Variants in CLSTN2 observed in about 807,000 individuals in gnomAD.
The protein encoded by CLSTN2 is calsyntenin 2.
In CLSTN2, 48 loss-of-function variants were observed where a neutral mutation model predicts 101.2. The observed-to-expected ratio is 0.47, with a 90% confidence interval of 0.38 to 0.60. The LOEUF (loss-of-function observed/expected upper bound fraction) is 0.60, where lower values mean the gene tolerates loss of function less well. CLSTN2 is among the 20% of genes least tolerant of loss of function. CLSTN2 has a pLI of 0.00. For synonymous variants in CLSTN2, 481 were observed against 463.6 expected (o/e 1.04, Z -0.48); for missense variants, 1,160 against 1,238.2 (o/e 0.94, Z 0.95).
At chr3:140,381,876 A>G (rs1402735945) in intron 2 of CLSTN2, among the ~76,000 whole-genome samples, 2 of 152,218 alleles carry the variant, frequency 1.3e-5, no homozygotes, top group Non-Finnish European at 2.9e-5. Flanking sequence ...TTGGAAAACA[A>G]GGGTTCTTCA....
chr3:139,951,978 TC>T (rs796236520), intron 1 of CLSTN2, among the ~76,000 whole-genome samples: 1 of 152,190 alleles, frequency 6.6e-6, no homozygotes, highest in South Asian at 2.1e-4. Context: ...TCTTTCTTTT[TC>T]CCCCTCCTCA....
chr3:140,147,119 A>G (rs1031269466), intron 1 of CLSTN2, among the ~76,000 whole-genome samples: 5 of 152,226 alleles, frequency 3.3e-5, no homozygotes, highest in Non-Finnish European at 5.9e-5. Flanking sequence ...TCACAGTCCA[A>G]TAGATAGTAA....
rs544722987 is a variant in CLSTN2 at position 140,054,482 on chromosome 3, C to T, written c.109+118999C>T. Among the ~76,000 whole-genome samples the T allele has an allele frequency of 6.6e-5, 10 of 152,210 alleles. No homozygotes were observed. In the East Asian group the frequency reaches 1.2e-3, roughly 18 times the overall value. The stretch of plus-strand genomic sequence containing the variant: ...AAGGTAAATAATTTGTCCAAGACCA[C>T]GCGGTCAGTAAGGGGTGGAGATGAC... On this transcript the variant is annotated intron_variant, in intron 1 of 16. Transcript: ENST00000458420.
intron 2 of CLSTN2, among the ~76,000 whole-genome samples, chr3:140,223,668 G>A (rs191996451): frequency 5.9e-5 from 9 of 152,262 alleles, no homozygotes; most frequent in African/African-American, 1.9e-4. Context: ...CTGATACTCT[G>A]TTTCCTGTGC....
intron 1 of CLSTN2, among the ~76,000 whole-genome samples, chr3:139,950,491 C>G (rs535313992): frequency 1.3e-5 from 2 of 152,140 alleles, no homozygotes; most frequent in African/African-American, 4.8e-5. Flanking sequence ...AACTCTGGCT[C>G]TAGTGGAAAT....
chr3:140,266,063 G>A (rs1405157775), intron 2 of CLSTN2, among the ~76,000 whole-genome samples: 1 of 152,308 alleles, frequency 6.6e-6, no homozygotes. Flanking sequence ...GCACCTGACA[G>A]CCTTCAATAG....
rs573610353 is a variant in CLSTN2 at position 140,404,369 on chromosome 3, G to A, written c.429-189G>A. 2.1e-4 allele frequency among the ~76,000 whole-genome samples: 32 copies of A among 152,336 alleles called. 1 individual carries two copies. The highest frequency in any genetic ancestry group is 4.1e-4 in the South Asian group (2 of 4,830). On this transcript the variant is annotated intron_variant, in intron 3 of 16. Transcript: ENST00000458420. ...CTCTGGGATGGATTCATCTCAGAGC[G>A]TCAGAGCAAGGGCAAGTAGAGAGTC... is the stretch of plus-strand genomic sequence containing the variant.
chr3:140,419,044 A>G (rs1319021634), intron 4 of CLSTN2, among the ~76,000 whole-genome samples: 1 of 151,380 alleles, frequency 6.6e-6, no homozygotes, highest in Non-Finnish European at 1.5e-5. Context: ...TAAAAAAAAA[A>G]TCTTTCAAGC....
chr3:140,411,046 C>A (rs538980540), intron 4 of CLSTN2, among the ~76,000 whole-genome samples: 4 of 152,184 alleles, frequency 2.6e-5, no homozygotes, highest in East Asian at 1.9e-4. Context: ...ACAAAACAAC[C>A]AGCAAAGGTT....
At chr3:140,378,573 C>T (rs1479855) in intron 2 of CLSTN2, among the ~76,000 whole-genome samples, 145,416 of 152,274 alleles carry the variant, frequency 0.95, 69,778 homozygotes, top group East Asian at 1. Context: ...GCCAGGGACC[C>T]GAGACCTAGG....
At chr3:140,113,507 A>T (rs2009189809) in intron 1 of CLSTN2, among the ~76,000 whole-genome samples, 1 of 151,870 alleles carries the variant, frequency 6.6e-6, no homozygotes, top group Non-Finnish European at 1.5e-5. Context: ...CTCCTGTCCT[A>T]CTCTTGGCAC....
chr3:140,095,196 G>A (rs1459401810), intron 1 of CLSTN2, among the ~76,000 whole-genome samples: 1 of 152,090 alleles, frequency 6.6e-6, no homozygotes, highest in African/African-American at 2.4e-5. Flanking sequence ...GATGTCTGGG[G>A]GCTAGGAGCG....
intron 2 of CLSTN2, among the ~76,000 whole-genome samples, chr3:140,391,193 C>A (rs574135239): frequency 6.6e-6 from 1 of 152,300 alleles, no homozygotes; most frequent in Admixed American, 6.5e-5. Context: ...AGAAAGACAA[C>A]AGGCTTTCTA....
intron 2 of CLSTN2, among the ~76,000 whole-genome samples, chr3:140,338,715 CA>C (rs2087465374): frequency 6.6e-6 from 1 of 152,166 alleles, no homozygotes. Flanking sequence ...CTAGTTTGCA[CA>C]AGGCTTTTCC....
Position 140,192,917 on chromosome 3 carries a change from T to C in CLSTN2, c.232+16844T>C, listed in dbSNP as rs574333838. 1.9e-4 allele frequency among the ~76,000 whole-genome samples: 29 copies of C among 152,082 alleles called. No individual in the cohort carries two copies. In the South Asian group the frequency reaches 5.6e-3, roughly 29 times the overall value. ...GACACATTTTAGAACTCTATATTGA[T>C]ATAACTATGGCTTTTTGAGTGTATC... On this transcript the variant is annotated intron_variant, in intron 2 of 16. Coordinates refer to ENST00000458420, the MANE Select transcript of CLSTN2 (RefSeq NM_022131.3).
intron 8 of CLSTN2, among the ~76,000 whole-genome samples, chr3:140,504,273 G>A (rs968290155): frequency 3.9e-5 from 6 of 151,986 alleles, no homozygotes; most frequent in Admixed American, 6.6e-5. Context: ...ATTAACAAGG[G>A]GTCCTTCTTG....
intron 12 of CLSTN2, 40 bp from the exon 13 acceptor site, chr3:140,562,098 G>A (rs1325703869): frequency 1.3e-6 from 2 of 1,595,482 alleles, no homozygotes; most frequent in South Asian, 2.2e-5. Context: ...TTTCTGAGCT[G>A]TCCTTCATGC....
intron 1 of CLSTN2, among the ~76,000 whole-genome samples, chr3:140,032,238 C>CTT (rs62708360): frequency 7.0e-6 from 1 of 143,402 alleles, no homozygotes; most frequent in South Asian, 2.2e-4. Context: ...CACATGTAAC[C>CTT]TTTTTTTTTT....
chr3:140,303,544 A>C (rs866987849), intron 2 of CLSTN2, among the ~76,000 whole-genome samples: 1 of 152,172 alleles, frequency 6.6e-6, no homozygotes, highest in Non-Finnish European at 1.5e-5. Flanking sequence ...AACGTCCTTC[A>C]AACACAGAGG....
Sources: gnomAD v4.1 joint callset for allele counts (sites outside exome capture counted in the v4.1 genomes callset) on GRCh38, gnomAD v4.1.1 for gene constraint, MANE v1.5 for transcripts, NCBI Gene and HGNC (gene_info 2026-07-23, HGNC 2026-07-21) for gene names.